The following SPINT2 variants were observed in gnomAD, a reference collection of about 807,000 sequenced individuals.
The protein encoded by SPINT2 is kunitz-type protease inhibitor 2.
A neutral mutation model predicts 30.1 loss-of-function variants in SPINT2; 18 were observed. The observed-to-expected ratio is 0.60, with a 90% confidence interval of 0.41 to 0.89. The LOEUF is 0.89. Among genes scored for constraint, SPINT2 ranks in the 40% least tolerant of loss-of-function variants. SPINT2 has a pLI of 0.00. For missense variants in SPINT2, 276 were observed against 334.3 expected (o/e 0.83, Z 1.36); for synonymous variants, 139 against 137.9 (o/e 1.01, Z -0.05).
rs1268322787 is a variant in SPINT2 at position 38,290,679 on chromosome 19, C to T, written c.592+104C>T. ...GGTTTACATTATCCTTCACTGTGAA[C>T]ATCATCTTGGCAGAAAGTCATGTTT... On this transcript the variant is annotated intron_variant, in intron 6 of 6. Transcript: ENST00000301244. The surrounding 1 kb of genome is among the most constrained non-coding windows in gnomAD (Gnocchi z 4.3). 7.0e-7 allele frequency: 1 copy of T among 1,420,518 alleles called. No individual in the cohort carries two copies. The highest frequency in any genetic ancestry group is 9.7e-7 in the Non-Finnish European group (1 of 1,031,988). The allele number at this position is 1,420,518 out of a possible 1,614,324, so 88.0% of individuals were successfully genotyped here. A position where few individuals can be genotyped will look rare whatever the true frequency, so the allele number is the denominator to read the frequency against.
At chr19:38,265,791 A>G (rs1968371014) in intron 1 of SPINT2, 1 of 152,354 alleles carries the variant, frequency 6.6e-6, no homozygotes, top group African/African-American at 2.4e-5. Flanking sequence ...TGATTCAGCA[A>G]AACTTACTGA....
intron 6 of SPINT2, 21 bp from the exon 7 acceptor site, chr19:38,291,819 A>C: frequency 1.9e-6 from 3 of 1,611,276 alleles, no homozygotes; most frequent in Non-Finnish European, 2.5e-6. Flanking sequence ...GCCCGTCCTG[A>C]GGCCCCTCTC....
In SPINT2 at chr19:38,283,708, G is replaced by A. The variant is rs752638824; in HGVS notation, c.188G>A (p.Cys63Tyr). Residue 63 changes from cysteine (C) to tyrosine (Y), a missense_variant, in exon 2 of 7, where the codon TGC becomes TAC. By Grantham distance (194) the Cys-to-Tyr change is radical. Transcript: ENST00000301244. ...TGGTACAATGTCACTGACGGATCCTGCCAGCTGTTTGTGTATGGGGGCTGT... is the reference window on the plus strand; with the variant it reads ...TGGTACAATGTCACTGACGGATCCTACCAGCTGTTTGTGTATGGGGGCTGT... ...RWWYNVTDGS[C>Y]QLFVYGGCDG... 2 of 1,614,102 alleles carry A rather than the reference G, an allele frequency of 1.2e-6. No individual in the cohort carries two copies. The highest frequency in any genetic ancestry group is 1.7e-6 in the Non-Finnish European group (2 of 1,180,020).
intron 1 of SPINT2, among the ~76,000 whole-genome samples, chr19:38,265,936 A>T (rs1157120548): frequency 2.0e-5 from 3 of 152,204 alleles, no homozygotes; most frequent in African/African-American, 7.2e-5. Context: ...TTGCCATGAG[A>T]TTAAGTTACT....
In SPINT2 at chr19:38,264,922, C is replaced by G; in HGVS notation, c.30C>G (p.Ser10Arg). 4 of 1,535,844 alleles carry G rather than the reference C, an allele frequency of 2.6e-6. No individual in the cohort carries two copies. The highest frequency in any genetic ancestry group is 2.6e-6 in the Non-Finnish European group (3 of 1,145,750). The change falls in exon 1 of 7, where the codon AGC (serine) becomes AGG (arginine). Residue 10 changes from serine (S) to arginine (R), a missense_variant. Transcript: ENST00000301244. MAQLCGLRR[S>R]RAFLALLGSL... The stretch of plus-strand genomic sequence containing the variant: ...CGCAGCTGTGCGGGCTGAGGCGGAG[C>G]CGGGCGTTTCTCGCCCTGCTGGGAT...
rs767202683 is a variant in SPINT2, at chr19:38,292,035, G to A, written c.*29G>A. 1.9e-6 allele frequency: 3 copies of A among 1,613,104 alleles called. No individual in the cohort carries two copies. In the South Asian group the frequency reaches 3.3e-5, roughly 18 times the overall value. ...CCCTGTCGCCAAGAGGACTGGGGAA[G>A]GGAGGGGAGACTATGTGTGAGCTTT... On this transcript the variant is annotated 3_prime_UTR_variant, in exon 7 of 7. Coordinates refer to ENST00000301244, the MANE Select transcript of SPINT2 (RefSeq NM_021102.4).
chr19:38,267,063 G>A (rs887268126), intron 1 of SPINT2, among the ~76,000 whole-genome samples: 5 of 152,132 alleles, frequency 3.3e-5, no homozygotes, highest in Non-Finnish European at 7.4e-5. Flanking sequence ...CCTTGCCCGA[G>A]GTCACTCGGT....
At chr19:38,268,766 C>CGTGTGTGTGTGTGTGTGTGTGTGT (rs10526704) in intron 1 of SPINT2, among the ~76,000 whole-genome samples, 3 of 149,818 alleles carry the variant, frequency 2.0e-5, no homozygotes, top group East Asian at 4.0e-4. Context: ...TGCGCGCGCG[C>CGTGTGTGTGTGTGTGTGTGTGTGT]GTGTGTGTGT....
chr19:38,283,041 G>A (rs1968598258), intron 1 of SPINT2, among the ~76,000 whole-genome samples: 1 of 151,830 alleles, frequency 6.6e-6, no homozygotes, highest in African/African-American at 2.4e-5. Flanking sequence ...ATTGGGCGTA[G>A]TGGCTCGTGC....
chr19:38,289,757 T>C lies in SPINT2; in HGVS notation c.392-362T>C, dbSNP rs140758340. On this transcript the variant is annotated intron_variant, in intron 4 of 6. Coordinates refer to ENST00000301244, the MANE Select transcript of SPINT2 (RefSeq NM_021102.4). ...TGGCACGTGGCTCTGCAATTTACATTGTCCCTGAACCTCTCGCCAGCGGCT... is the reference window on the plus strand; with the variant it reads ...TGGCACGTGGCTCTGCAATTTACATCGTCCCTGAACCTCTCGCCAGCGGCT... The C allele has an allele frequency of 2.8e-4, 96 of 342,940 alleles. 1 individual carries two copies. The East Asian group carries it at 6.8e-3, about 24-fold the overall frequency. The allele number at this position is 342,940 out of a possible 1,614,324, so 21.2% of individuals were successfully genotyped here. A position where few individuals can be genotyped will look rare whatever the true frequency, so the allele number is the denominator to read the frequency against.
intron 1 of SPINT2, among the ~76,000 whole-genome samples, chr19:38,271,889 T>A (rs1217835402): frequency 6.6e-6 from 1 of 152,010 alleles, no homozygotes; most frequent in African/African-American, 2.4e-5. Flanking sequence ...TCAGGGTGAT[T>A]CCTGACTGGG....
chr19:38,265,997 T>C lies in SPINT2; in HGVS notation c.106+999T>C, dbSNP rs150678455. Among the ~76,000 whole-genome samples the C allele has an allele frequency of 2.9e-3, 436 of 152,218 alleles. 2 individuals are homozygous for C. Among genetic ancestry groups the C allele is most frequent in the African/African-American group, 1.0e-2 (414 of 41,526 alleles). On this transcript the variant is annotated intron_variant, in intron 1 of 6. Transcript: ENST00000301244. ...ACACCAACAGGGTGACGTAAGATGTTGGGGGCGGCTTTAGCTCAGGTGGTC... is the reference window on the plus strand; with the variant it reads ...ACACCAACAGGGTGACGTAAGATGTCGGGGGCGGCTTTAGCTCAGGTGGTC...
intron 2 of SPINT2, among the ~76,000 whole-genome samples, chr19:38,287,420 G>A (rs888285684): frequency 2.0e-5 from 3 of 151,808 alleles, no homozygotes; most frequent in Admixed American, 6.6e-5. Context: ...GGATGGTCTC[G>A]ATCCCTGACC....
intron 1 of SPINT2, among the ~76,000 whole-genome samples, chr19:38,268,378 T>G (rs3786875): frequency 0.059 from 8,919 of 152,208 alleles, 295 homozygotes; most frequent in East Asian, 0.099. Context: ...TTATAAACTG[T>G]CCACTCCCAG....
At chr19:38,270,928 C>T (rs769346148) in intron 1 of SPINT2, among the ~76,000 whole-genome samples, 1 of 152,154 alleles carries the variant, frequency 6.6e-6, no homozygotes, top group Middle Eastern at 3.2e-3. Context: ...CTTGGCCCAC[C>T]GGCCATGACT....
At chr19:38,270,941 T>C (rs1968447684) in intron 1 of SPINT2, among the ~76,000 whole-genome samples, 1 of 152,216 alleles carries the variant, frequency 6.6e-6, no homozygotes, top group South Asian at 2.1e-4. Context: ...CCATGACTAA[T>C]GTGGACATTA....
intron 2 of SPINT2, among the ~76,000 whole-genome samples, chr19:38,284,811 A>G (rs527373971): frequency 6.6e-6 from 1 of 152,126 alleles, no homozygotes; most frequent in African/African-American, 2.4e-5. Flanking sequence ...GCAGTAGAGC[A>G]ATCTCGGTTC....
In SPINT2 at chr19:38,290,502, T is replaced by C; in HGVS notation, c.554-35T>C. ...TGCGGCAGCTCTGTGGAATGGGGGC[T>C]GTGAGCTGACCTCAGGCTGTGTGTT... On this transcript the variant is annotated intron_variant, in intron 5 of 6. Transcript: ENST00000301244. This position sits in a 1 kb window ranked among gnomAD's most constrained non-coding sequence, Gnocchi z 4.3. 6.2e-7 allele frequency: 1 copy of C among 1,613,978 alleles called. No individual in the cohort carries two copies. The highest frequency in any genetic ancestry group is 1.3e-5 in the African/African-American group (1 of 75,066).
At chr19:38,289,818 G>T (rs1968693066) in intron 4 of SPINT2, 2 of 442,272 alleles carry the variant, frequency 4.5e-6, no homozygotes, top group African/African-American at 4.0e-5. Flanking sequence ...CCGCCTCAGA[G>T]TTCCCATGTA....
Sources: gnomAD v4.1 joint callset for allele counts (sites outside exome capture counted in the v4.1 genomes callset) on GRCh38, gnomAD v4.1.1 for gene constraint, Gnocchi (gnomAD v3.1) non-coding constraint, MANE v1.5 for transcripts, NCBI Gene and HGNC (gene_info 2026-07-23, HGNC 2026-07-21) for gene names.